The following FRMD4A variants were observed in gnomAD, a reference collection of about 807,000 sequenced individuals.
The protein encoded by FRMD4A is FERM domain containing 4A, also known as FERM domain-containing protein 4A.
FRMD4A carries 29 observed loss-of-function variants against 129.1 expected under a neutral mutation model. That is an observed-to-expected ratio of 0.22 (90% CI 0.17 to 0.31). The LOEUF is 0.31. Ranked by LOEUF, FRMD4A falls within the 10% of genes least tolerant of loss-of-function variation. The probability of loss-of-function intolerance (pLI) is 1.00; values close to 1 mark genes in which losing one functional copy is unlikely to be tolerated. For synonymous variants in FRMD4A, 634 were observed against 571.6 expected, an observed-to-expected ratio of 1.11 and a Z score of -1.56; for missense variants, 1,272 against 1,375.8, an observed-to-expected ratio of 0.92 and a Z score of 1.19.
intron 2 of FRMD4A, among the ~76,000 whole-genome samples, chr10:14,093,809 A>G (rs1356472120): frequency 6.6e-6 from 1 of 152,234 alleles, no homozygotes; most frequent in Admixed American, 6.5e-5. Flanking sequence ...AAGGAAGTTT[A>G]CGACCCACAA....
At chr10:13,965,915 AACAC>A (rs1327757269) in intron 2 of FRMD4A, among the ~76,000 whole-genome samples, 3 of 152,222 alleles carry the variant, frequency 2.0e-5, no homozygotes. Context: ...TTAATTAATA[AACAC>A]ACATTCCTTT....
At chr10:14,004,809 T>C (rs1026244575) in intron 2 of FRMD4A, among the ~76,000 whole-genome samples, 5 of 152,068 alleles carry the variant, frequency 3.3e-5, no homozygotes, top group South Asian at 2.1e-4. Context: ...AAAGAGTAAA[T>C]AGTAAAACTC....
At chr10:14,018,543 T>C (rs2095706555) in intron 2 of FRMD4A, among the ~76,000 whole-genome samples, 1 of 151,262 alleles carries the variant, frequency 6.6e-6, no homozygotes. Context: ...TCTCATTCCA[T>C]GAGCAAGGGG....
chr10:13,881,990 GGTGTGTGTGTGTGTGTGTGTGT>G (rs71388128), intron 2 of FRMD4A, among the ~76,000 whole-genome samples: 274 of 15,640 alleles, frequency 0.018, 2 homozygotes, highest in Middle Eastern at 0.25. Context: ...GAGAGGCAAG[GGTGTGTGTGTGTGTGTGTGTGT>G]GTGTGTGTGT....
chr10:14,128,419 T>C (rs190731401), intron 2 of FRMD4A, among the ~76,000 whole-genome samples: 132 of 152,226 alleles, frequency 8.7e-4, no homozygotes, highest in African/African-American at 3.0e-3. Context: ...TGCTTTCTGG[T>C]TACATAAAAT....
chr10:13,693,950 C>A lies in FRMD4A; in HGVS notation c.1065G>T (p.Met355Ile). ...GTLKTSKLAN[M>I]GSKGKIISGS... is the part of the protein sequence containing the mutation. The stretch of plus-strand genomic sequence containing the variant: ...CGCTGATGATCTTCCCCTTGCTACC[C>A]ATGTTGGCCAGCTTCGAGGTCTTCA... The change falls in exon 15 of 25, where the codon ATG becomes ATT. Residue 355 changes from methionine to isoleucine, a missense_variant. Met to Ile is a conservative substitution (Grantham distance 10). Around this residue, in one of 2 missense-constraint regions of FRMD4A, gnomAD observed 300 missense variants for 483.6 expected, o/e 0.62. Coordinates refer to ENST00000357447, the MANE Select transcript of FRMD4A (RefSeq NM_018027.5). 1 of 1,599,854 alleles carries A rather than the reference C, an allele frequency of 6.3e-7. No homozygotes were observed. The highest frequency in any genetic ancestry group is 8.5e-7 in the Non-Finnish European group (1 of 1,174,922).
intron 2 of FRMD4A, among the ~76,000 whole-genome samples, chr10:14,252,923 T>C (rs1844487817): frequency 6.6e-6 from 1 of 152,238 alleles, no homozygotes; most frequent in Non-Finnish European, 1.5e-5. Flanking sequence ...TTTCCCTTCT[T>C]CTCCATTCAT....
In FRMD4A at chr10:13,657,120, G is replaced by C. The variant is rs771112337; in HGVS notation, c.2469C>G (p.His823Gln). The C allele has an allele frequency of 1.9e-6, 3 of 1,550,582 alleles. No individual in the cohort carries two copies. In the African/African-American group the frequency reaches 4.2e-5, roughly 22 times the overall value. Residue 823 changes from histidine to glutamine, a missense_variant, in exon 22 of 25, where the codon CAC becomes CAG. By Grantham distance (24) the His-to-Gln change is conservative. Coordinates refer to ENST00000357447, the MANE Select transcript of FRMD4A (RefSeq NM_018027.5). ...ACTGCGAGCTGGGCTGGCTCTGGCT[G>C]TGCAGGTACACACCGCCCCCCGCGC... is the stretch of plus-strand genomic sequence containing the variant. The part of the protein sequence containing the change: ...AGGAGGGVYL[H>Q]SQSQPSSQYR...
intron 9 of FRMD4A, chr10:13,744,612 C>G (rs1275040508): frequency 1.3e-5 from 2 of 152,170 alleles, no homozygotes; most frequent in African/African-American, 4.8e-5. Context: ...GACCCACTGC[C>G]TTGGTTACCA....
At chr10:13,650,532 A>G (rs2081485489) in intron 24 of FRMD4A, among the ~76,000 whole-genome samples, 1 of 152,028 alleles carries the variant, frequency 6.6e-6, no homozygotes, top group Admixed American at 6.5e-5. Flanking sequence ...TATCTCCATC[A>G]CCTTTAGCAG....
chr10:13,673,422 C>G lies in FRMD4A; in HGVS notation c.1251+1489G>C, dbSNP rs978368219. ...CCTTAGTGTTTGGGGGAGGGGTATA[C>G]GTCTCTTTGACTTACTTTGGGAACC... On this transcript the variant is annotated intron_variant, in intron 16 of 24. Transcript: ENST00000357447. 2.6e-5 allele frequency among the ~76,000 whole-genome samples: 4 copies of G among 152,138 alleles called. No individual in the cohort carries two copies. In the East Asian group the frequency reaches 7.7e-4, roughly 29 times the overall value.
intron 2 of FRMD4A, among the ~76,000 whole-genome samples, chr10:14,153,688 C>T (rs73597264): frequency 0.035 from 5,355 of 152,248 alleles, 325 homozygotes; most frequent in African/African-American, 0.12. Flanking sequence ...CTGCTCCCCT[C>T]CCGTCTCCAG....
At chr10:14,185,696 C>G (rs1459246881) in intron 2 of FRMD4A, among the ~76,000 whole-genome samples, 2 of 152,108 alleles carry the variant, frequency 1.3e-5, no homozygotes, top group Admixed American at 6.5e-5. Context: ...AGCAGCAGCT[C>G]AACAGTGGCA....
intron 2 of FRMD4A, among the ~76,000 whole-genome samples, chr10:13,973,274 G>T (rs1270587340): frequency 6.6e-6 from 1 of 152,150 alleles, no homozygotes; most frequent in Non-Finnish European, 1.5e-5. Flanking sequence ...AAAATTTGTG[G>T]TTCTCTAAAT....
chr10:13,844,481 G>A (rs1588995251), intron 3 of FRMD4A, among the ~76,000 whole-genome samples: 3 of 152,044 alleles, frequency 2.0e-5, no homozygotes, highest in Admixed American at 2.0e-4. Flanking sequence ...TAAGAAGAAG[G>A]GCCAAAGTAA....
At chr10:13,942,513 T>C (rs1588452619) in intron 2 of FRMD4A, among the ~76,000 whole-genome samples, 1 of 152,338 alleles carries the variant, frequency 6.6e-6, no homozygotes, top group Non-Finnish European at 1.5e-5. Flanking sequence ...GCAAGACATA[T>C]GGCTGGCATT....
chr10:13,805,180 G>A (rs143092927), intron 4 of FRMD4A, among the ~76,000 whole-genome samples: 4,787 of 151,014 alleles, frequency 0.032, 212 homozygotes, highest in African/African-American at 0.1. Flanking sequence ...GTCTTGCTCT[G>A]TTGCCCAGGC....
chr10:13,749,893 G>C (rs1021693766), intron 8 of FRMD4A, among the ~76,000 whole-genome samples: 2 of 151,426 alleles, frequency 1.3e-5, no homozygotes, highest in Non-Finnish European at 2.9e-5. Flanking sequence ...GGATGAGGTT[G>C]CAGTAAGCTG....
At chr10:13,890,522 TC>T (rs1372894641) in intron 2 of FRMD4A, 4 of 977,932 alleles carry the variant, frequency 4.1e-6, no homozygotes, top group Non-Finnish European at 4.9e-6. Flanking sequence ...GAACCCTCAA[TC>T]AGGTCCAGGC....
Sources: gnomAD v4.1 joint callset for allele counts (sites outside exome capture counted in the v4.1 genomes callset) on GRCh38, gnomAD v4.1.1 for gene constraint, gnomAD v4.1.1 regional missense constraint, MANE v1.5 for transcripts, NCBI Gene and HGNC (gene_info 2026-07-23, HGNC 2026-07-21) for gene names.